The following PUM2 variants were observed in gnomAD, a reference collection of about 807,000 sequenced individuals.
PUM2 encodes the protein pumilio RNA binding family member 2.
In PUM2, 57 loss-of-function variants were observed where a neutral mutation model predicts 124.5. That is an observed-to-expected ratio of 0.46 (90% CI 0.37 to 0.57). The LOEUF is 0.57. Among genes scored for constraint, PUM2 ranks in the 20% least tolerant of loss-of-function variants. The pLI is 0.00. For missense variants in PUM2, 1,065 were observed against 1,290.6 expected, an observed-to-expected ratio of 0.83 and a Z score of 2.68; for synonymous variants, 460 against 446.1, an observed-to-expected ratio of 1.03 and a Z score of -0.39.
chr2:20,262,967 A>T (rs1666661752), intron 14 of PUM2, among the ~76,000 whole-genome samples: 1 of 152,240 alleles, frequency 6.6e-6, no homozygotes, highest in Non-Finnish European at 1.5e-5. Flanking sequence ...CTATATTCTC[A>T]TCATAACAAT....
At position 20,318,636 on chromosome 2, in the gene PUM2, T is replaced by C. The variant is rs761683991; in HGVS notation, c.61A>G (p.Thr21Ala). 19 of 1,611,592 alleles carry C rather than the reference T, an allele frequency of 1.2e-5. No individual in the cohort carries two copies. The highest frequency in any genetic ancestry group is 1.5e-5 in the Non-Finnish European group (18 of 1,178,662). The change falls in exon 3 of 21, where the codon ACC (threonine) becomes GCC (alanine). Residue 21 changes from threonine (T) to alanine (A), a missense_variant. Coordinates refer to ENST00000361078, the MANE Select transcript of PUM2 (RefSeq NM_015317.5). The part of the protein sequence containing the change: ...ESRGMGELLP[T>A]KKFWEPDDST... ...TCATCAGGTTCCCAAAACTTTTTGG[T>C]AGGCAAAAGCTATTTGGAGGAAAAA...
chr2:20,345,081 A>C (rs1420947185), intron 1 of PUM2, among the ~76,000 whole-genome samples: 4 of 146,826 alleles, frequency 2.7e-5, no homozygotes, highest in Non-Finnish European at 4.5e-5. Context: ...TGTCCACAGC[A>C]CTTTTTTCTT....
chr2:20,340,145 G>A (rs995129876), intron 1 of PUM2, among the ~76,000 whole-genome samples: 6 of 152,140 alleles, frequency 3.9e-5, no homozygotes, highest in African/African-American at 1.4e-4. Context: ...GTTAGGGAAG[G>A]AACAAGTGAA....
At chr2:20,317,574 T>TG (rs781185648) in intron 3 of PUM2, among the ~76,000 whole-genome samples, 5 of 152,048 alleles carry the variant, frequency 3.3e-5, no homozygotes, top group Non-Finnish European at 5.9e-5. Flanking sequence ...TATTCTAGAT[T>TG]GGGGGGGTAC....
rs746960219 is a variant in PUM2, at chr2:20,256,027, A to G, written c.2622+6T>C. 1.7e-4 allele frequency: 263 copies of G among 1,524,570 alleles called. No homozygotes were observed. The highest frequency in any genetic ancestry group is 2.2e-4 in the Non-Finnish European group (256 of 1,142,524). The allele number at this position is 1,524,570 out of a possible 1,614,324, so 94.4% of individuals were successfully genotyped here. A position where few individuals can be genotyped will look rare whatever the true frequency, so the allele number is the denominator to read the frequency against. On this transcript the variant is annotated splice_donor_region_variant and intron_variant, in intron 17 of 20. Coordinates refer to ENST00000361078, the MANE Select transcript of PUM2 (RefSeq NM_015317.5). The stretch of plus-strand genomic sequence containing the variant: ...TAACAAATTATAAGCCAAAACTCAA[A>G]CATACTTGTCCCTTGAAAGCATCAA...
At chr2:20,313,258 C>T (rs1372916654) in intron 3 of PUM2, among the ~76,000 whole-genome samples, 4 of 152,362 alleles carry the variant, frequency 2.6e-5, no homozygotes, top group South Asian at 2.1e-4. Flanking sequence ...AAACTATCAT[C>T]AGAGTGAACA....
chr2:20,307,865 G>C (rs1489739184), intron 7 of PUM2, 113 bp downstream of exon 7: 8 of 1,350,792 alleles, frequency 5.9e-6, no homozygotes, highest in African/African-American at 2.9e-5. Context: ...ATTACTTGTT[G>C]ATCTCAGATG....
At chr2:20,285,243 T>G (rs1672461111) in intron 10 of PUM2, among the ~76,000 whole-genome samples, 1 of 152,220 alleles carries the variant, frequency 6.6e-6, no homozygotes, top group Non-Finnish European at 1.5e-5. Flanking sequence ...CCATCCATTC[T>G]CTTGATGGCT....
intron 15 of PUM2, among the ~76,000 whole-genome samples, chr2:20,260,000 A>C (rs1183193632): frequency 6.6e-6 from 1 of 152,138 alleles, no homozygotes; most frequent in Admixed American, 6.5e-5. Flanking sequence ...ATGGTATCTC[A>C]TTGTGAGATT....
At chr2:20,256,300 A>C (rs1286193280) in intron 16 of PUM2, 130 bp from the exon 17 acceptor site, 1 of 830,882 alleles carries the variant, frequency 1.2e-6, no homozygotes, top group Non-Finnish European at 1.7e-6. Context: ...AAATACTGAG[A>C]TGGGAACACA....
chr2:20,285,562 C>T (rs540676793), intron 10 of PUM2, among the ~76,000 whole-genome samples: 2 of 152,250 alleles, frequency 1.3e-5, no homozygotes, highest in East Asian at 3.9e-4. Flanking sequence ...GAGTTTGGTG[C>T]ATTCTGTTCC....
At chr2:20,267,338 CT>C (rs1667935983) in intron 13 of PUM2, among the ~76,000 whole-genome samples, 1 of 151,984 alleles carries the variant, frequency 6.6e-6, no homozygotes, top group Admixed American at 6.6e-5. Flanking sequence ...TTGCAACTTC[CT>C]TTCAAAAGTA....
chr2:20,313,669 A>G (rs1165825074), intron 3 of PUM2, among the ~76,000 whole-genome samples: 1 of 151,828 alleles, frequency 6.6e-6, no homozygotes, highest in Non-Finnish European at 1.5e-5. Context: ...ATCTCTACAA[A>G]AAGTTTAAAA....
intron 15 of PUM2, among the ~76,000 whole-genome samples, chr2:20,258,809 A>G (rs1230599009): frequency 6.6e-6 from 1 of 151,524 alleles, no homozygotes; most frequent in African/African-American, 2.4e-5. Flanking sequence ...CTGGGACTAC[A>G]GGCGCCCGCC....
chr2:20,351,051 C>G (rs1251792127), upstream of PUM2, among the ~76,000 whole-genome samples: 1 of 152,176 alleles, frequency 6.6e-6, no homozygotes, highest in East Asian at 1.9e-4. Flanking sequence ...CCTCACCTTG[C>G]GGGCTCGCGC....
At chr2:20,340,308 A>C (rs1686981859) in intron 1 of PUM2, among the ~76,000 whole-genome samples, 1 of 152,262 alleles carries the variant, frequency 6.6e-6, no homozygotes, top group Non-Finnish European at 1.5e-5. Flanking sequence ...ATCACAAAAG[A>C]AAGCTAACTC....
Position 20,350,656 on chromosome 2 carries a change from G to A in PUM2, c.-78C>T. The stretch of plus-strand genomic sequence containing the variant: ...CACCGACCGTTGGGCACACGGCGGC[G>A]TCGCTCTTGGCGGTCCTCCCCCTCC... On this transcript the variant is annotated 5_prime_UTR_variant, in exon 1 of 21. In the 5' UTR this introduces an upstream ATG that the reference lacks. Coordinates refer to ENST00000361078, the MANE Select transcript of PUM2 (RefSeq NM_015317.5). 6 of 985,478 alleles carry A rather than the reference G, an allele frequency of 6.1e-6. No homozygotes were observed. The highest frequency in any genetic ancestry group is 6.0e-6 in the Non-Finnish European group (5 of 830,022). 61.0% of individuals were successfully genotyped at this position (985,478 alleles called of 1,614,324 possible).
chr2:20,302,273 A>G (rs914871313), intron 7 of PUM2, among the ~76,000 whole-genome samples: 1 of 152,198 alleles, frequency 6.6e-6, no homozygotes, highest in Non-Finnish European at 1.5e-5. Context: ...GGAAAACTGT[A>G]CCAGTTTACA....
At chr2:20,257,411 T>C (rs1283007858) in intron 16 of PUM2, among the ~76,000 whole-genome samples, 1 of 152,222 alleles carries the variant, frequency 6.6e-6, no homozygotes, top group Non-Finnish European at 1.5e-5. Flanking sequence ...AGATAATCTC[T>C]TTCCAAACTT....
Sources: allele counts gnomAD v4.1 joint callset (sites outside exome capture counted in the v4.1 genomes callset), GRCh38; gene constraint gnomAD v4.1.1; transcripts MANE v1.5; gene names NCBI Gene and HGNC (gene_info 2026-07-23, HGNC 2026-07-21).